PRKCA: variants seen among roughly 807,000 people sequenced by gnomAD.
The protein encoded by PRKCA is protein kinase C alpha.
PRKCA carries 27 observed loss-of-function variants against 87.0 expected under a neutral mutation model. The observed-to-expected ratio is 0.31, with a 90% CI of 0.23 to 0.43. PRKCA has a LOEUF of 0.43. Among genes scored for constraint, PRKCA ranks in the 20% least tolerant of loss-of-function variants. PRKCA has a pLI of 1.00. For missense variants in PRKCA, 518 were observed against 852.3 expected (o/e 0.61, Z 4.88); for synonymous variants, 329 against 311.1 (o/e 1.06, Z -0.61).
At chr17:66,787,550 C>CT (rs1230435382) in intron 15 of PRKCA, among the ~76,000 whole-genome samples, 8 of 152,198 alleles carry the variant, frequency 5.3e-5, no homozygotes, top group Non-Finnish European at 1.0e-4. Flanking sequence ...CTTTGCTACA[C>CT]TTTTCTTGAG....
chr17:66,532,459 G>C (rs569636554), intron 3 of PRKCA, among the ~76,000 whole-genome samples: 102 of 151,704 alleles, frequency 6.7e-4, no homozygotes, highest in African/African-American at 2.3e-3. Flanking sequence ...TCCGCCTCCC[G>C]GGTTTGAGCA....
At position 66,379,583 on chromosome 17, in the gene PRKCA, T is replaced by A. The variant is rs186294904; in HGVS notation, c.205+73456T>A. On this transcript the variant is annotated intron_variant, in intron 2 of 16. Coordinates refer to ENST00000413366, the MANE Select transcript of PRKCA (RefSeq NM_002737.3). ...TGATGCCCTTTGAAGCTTCACTAAT[T>A]GTAATTTTGTAAGGAACAAATGTAA... Among the ~76,000 whole-genome samples, 334 of 152,360 alleles carry A rather than the reference T, an allele frequency of 2.2e-3. 1 individual carries two copies. The highest frequency in any genetic ancestry group is 7.6e-3 in the African/African-American group (318 of 41,578).
At chr17:66,316,155 A>C (rs1233336249) in intron 2 of PRKCA, among the ~76,000 whole-genome samples, 2 of 152,198 alleles carry the variant, frequency 1.3e-5, no homozygotes, top group Admixed American at 6.5e-5. Flanking sequence ...CTCACGTTCC[A>C]GGAGTAGTAG....
chr17:66,448,631 G>C (rs933088807), intron 2 of PRKCA, among the ~76,000 whole-genome samples: 1 of 152,090 alleles, frequency 6.6e-6, no homozygotes, highest in African/African-American at 2.4e-5. Context: ...CATAATTCAC[G>C]TTATAAGGAA....
At chr17:66,440,381 A>G (rs1285926675) in intron 2 of PRKCA, among the ~76,000 whole-genome samples, 1 of 152,212 alleles carries the variant, frequency 6.6e-6, no homozygotes, top group African/African-American at 2.4e-5. Flanking sequence ...TTTTATAAAC[A>G]TAATTACTTT....
At chr17:66,664,156 C>T (rs886706392) in intron 5 of PRKCA, among the ~76,000 whole-genome samples, 1 of 152,120 alleles carries the variant, frequency 6.6e-6, no homozygotes, top group Non-Finnish European at 1.5e-5. Context: ...GTGTGAGCCA[C>T]CGCGCCCAAC....
intron 2 of PRKCA, among the ~76,000 whole-genome samples, chr17:66,414,754 A>T (rs1454803146): frequency 3.3e-5 from 5 of 152,158 alleles, no homozygotes; most frequent in Admixed American, 6.5e-5. Context: ...CGCCAGGTGT[A>T]CTGTACTGGA....
intron 8 of PRKCA, among the ~76,000 whole-genome samples, chr17:66,700,399 G>T (rs1293090900): frequency 6.6e-6 from 1 of 152,146 alleles, no homozygotes; most frequent in African/African-American, 2.4e-5. Context: ...TGAACAAAAT[G>T]AGGATGCCCA....
intron 2 of PRKCA, among the ~76,000 whole-genome samples, chr17:66,423,537 A>G (rs1912611645): frequency 6.6e-6 from 1 of 152,220 alleles, no homozygotes; most frequent in South Asian, 2.1e-4. Flanking sequence ...TTTACATACA[A>G]TAATTACCTG....
intron 13 of PRKCA, among the ~76,000 whole-genome samples, chr17:66,758,136 C>T (rs1301926737): frequency 2.6e-5 from 4 of 152,220 alleles, no homozygotes; most frequent in Admixed American, 2.6e-4. Context: ...GCCCCCTGCA[C>T]CAGCCGTGGG....
chr17:66,666,828 T>TCCC (rs1045330057), intron 5 of PRKCA, among the ~76,000 whole-genome samples: 1 of 151,462 alleles, frequency 6.6e-6, no homozygotes, highest in Admixed American at 6.6e-5. Flanking sequence ...ACCCTTTGAA[T>TCCC]CCCCCCCCCA....
chr17:66,717,114 A>G (rs563307134), intron 8 of PRKCA, among the ~76,000 whole-genome samples: 14 of 152,352 alleles, frequency 9.2e-5, no homozygotes, highest in African/African-American at 3.4e-4. Flanking sequence ...TTAAGAAGAT[A>G]CAGACATTGT....
rs562986154 is a variant in PRKCA at position 66,697,163 on chromosome 17, C to A, written c.918+8116C>A. On this transcript the variant is annotated intron_variant, in intron 8 of 16. Transcript: ENST00000413366. ...TCTGTCTACCTCTTGTGATTTGAAG[C>A]ACATTGTCAGCTAAATAATCACATA... Among the ~76,000 whole-genome samples the A allele has an allele frequency of 1.8e-3, 278 of 152,358 alleles. 2 individuals are homozygous for A. Among genetic ancestry groups the A allele is most frequent in the African/African-American group, 6.5e-3 (270 of 41,584 alleles).
chr17:66,524,908 G>A (rs1967292847), intron 3 of PRKCA, among the ~76,000 whole-genome samples: 1 of 152,194 alleles, frequency 6.6e-6, no homozygotes, highest in South Asian at 2.1e-4. Flanking sequence ...GTGACTGCTA[G>A]GTATATGTAG....
Position 66,570,493 on chromosome 17 carries a change from A to G in PRKCA, c.289-70862A>G, listed in dbSNP as rs558096083. 5.3e-5 allele frequency among the ~76,000 whole-genome samples: 8 copies of G among 152,258 alleles called. No homozygotes were observed. In the South Asian group the frequency reaches 1.7e-3, roughly 32 times the overall value. ...AATTTTTAAAAAGCAGTGCCTTCAA[A>G]CACCCAGGCTATTGTGCAGCGTGTT... On this transcript the variant is annotated intron_variant, in intron 3 of 16. Coordinates refer to ENST00000413366, the MANE Select transcript of PRKCA (RefSeq NM_002737.3).
intron 5 of PRKCA, among the ~76,000 whole-genome samples, chr17:66,663,264 C>T (rs1275148047): frequency 6.6e-6 from 1 of 152,176 alleles, no homozygotes; most frequent in Non-Finnish European, 1.5e-5. Flanking sequence ...CACTGGACGT[C>T]GTCTCTTAGG....
At chr17:66,520,887 G>T (rs1201553996) in intron 3 of PRKCA, among the ~76,000 whole-genome samples, 1 of 152,144 alleles carries the variant, frequency 6.6e-6, no homozygotes, top group African/African-American at 2.4e-5. Flanking sequence ...AATTCTCTGA[G>T]GTCTGTCATT....
At chr17:66,684,376 T>G (rs1448620159) in intron 5 of PRKCA, among the ~76,000 whole-genome samples, 1 of 152,150 alleles carries the variant, frequency 6.6e-6, no homozygotes, top group Non-Finnish European at 1.5e-5. Context: ...GAGCCAGAAT[T>G]CAAATGCAGG....
intron 8 of PRKCA, among the ~76,000 whole-genome samples, chr17:66,691,734 G>A (rs1972790646): frequency 6.6e-6 from 1 of 151,746 alleles, no homozygotes; most frequent in African/African-American, 2.4e-5. Flanking sequence ...TTATGCCATG[G>A]TGTTGATCAC....
Sources: allele counts gnomAD v4.1 joint callset (sites outside exome capture counted in the v4.1 genomes callset), GRCh38; gene constraint gnomAD v4.1.1; transcripts MANE v1.5; gene names NCBI Gene and HGNC (gene_info 2026-07-23, HGNC 2026-07-21).